The following CUL2 variants were observed in gnomAD, a reference collection of about 807,000 sequenced individuals.
CUL2 encodes the protein cullin-2.
Under a neutral mutation model 110.2 loss-of-function variants are expected in CUL2, and 22 were observed. The ratio of observed to expected loss-of-function variants is 0.20; its 90% confidence interval spans 0.14 to 0.28. The LOEUF (loss-of-function observed/expected upper bound fraction) is 0.28, where lower values mean the gene tolerates loss of function less well. CUL2 is among the 10% of genes least tolerant of loss of function. CUL2 has a pLI of 1.00. For synonymous variants in CUL2, 279 were observed against 293.2 expected (o/e 0.95, Z 0.49); for missense variants, 631 against 905.5 (o/e 0.70, Z 3.89).
intron 4 of CUL2, 120 bp downstream of exon 4, chr10:35,060,754 A>C (rs778879667): frequency 1.3e-6 from 1 of 773,988 alleles, no homozygotes; most frequent in Admixed American, 2.8e-5. Flanking sequence ...AGTCCATGTC[A>C]GAGAGAATGC....
intron 6 of CUL2, among the ~76,000 whole-genome samples, chr10:35,048,887 T>C (rs140270825): frequency 3.1e-4 from 47 of 152,294 alleles, no homozygotes; most frequent in East Asian, 1.2e-3. Context: ...CCATACTAAA[T>C]ACCACGGCTT....
intron 8 of CUL2, among the ~76,000 whole-genome samples, chr10:35,042,960 G>A (rs1235838444): frequency 2.6e-5 from 4 of 151,964 alleles, no homozygotes; most frequent in Admixed American, 2.0e-4. Flanking sequence ...TCAAGTAGAT[G>A]GTGTTAGAGT....
intron 1 of CUL2, among the ~76,000 whole-genome samples, chr10:35,113,396 G>A (rs1272058251): frequency 1.3e-5 from 2 of 148,468 alleles, no homozygotes; most frequent in Non-Finnish European, 3.0e-5. Context: ...TACTCGGGAG[G>A]CTGGGGCAGT....
At position 35,016,378 on chromosome 10, in the gene CUL2, G is replaced by A; in HGVS notation, c.1701C>T (p.Asn567=). ...TGGCTACATATGGTTTGCCCAAATA[G>A]TTCATTTTAACTTCACCTACAATTA... ...HYLCTGEVKM[N]YLGKPYVAMV... Residue 567 remains asparagine (N), a synonymous_variant, in exon 18 of 21, where the codon AAC becomes AAT. Coordinates refer to ENST00000374749, the MANE Select transcript of CUL2 (RefSeq NM_003591.4). 1 of 1,606,216 alleles carries A rather than the reference G, an allele frequency of 6.2e-7. No homozygotes were observed. The highest frequency in any genetic ancestry group is 1.7e-5 in the Admixed American group (1 of 59,454).
chr10:35,049,320 G>T (rs760041775), intron 6 of CUL2, among the ~76,000 whole-genome samples: 5 of 152,144 alleles, frequency 3.3e-5, no homozygotes, highest in Admixed American at 6.5e-5. Flanking sequence ...TCAATAGGTG[G>T]TCCTCACGAG....
chr10:35,026,619 A>T (rs748339350), intron 16 of CUL2, among the ~76,000 whole-genome samples: 6 of 152,178 alleles, frequency 3.9e-5, no homozygotes, highest in Non-Finnish European at 8.8e-5. Flanking sequence ...TGCCAAAAGA[A>T]GATACTGATT....
intron 4 of CUL2, 100 bp from the exon 5 acceptor site, chr10:35,054,639 C>T (rs1404046555): frequency 1.7e-6 from 1 of 579,920 alleles, no homozygotes; most frequent in Admixed American, 3.4e-5. Context: ...TACATATAAG[C>T]CATGGAATAG....
At chr10:35,065,359 G>A (rs1054468286) in intron 2 of CUL2, among the ~76,000 whole-genome samples, 3 of 152,102 alleles carry the variant, frequency 2.0e-5, no homozygotes, top group African/African-American at 7.2e-5. Flanking sequence ...GATGACTCAC[G>A]CCTGTAATCC....
At chr10:35,091,238 AG>A (rs1488410830), upstream of CUL2, among the ~76,000 whole-genome samples, 1 of 152,192 alleles carries the variant, frequency 6.6e-6, no homozygotes, top group Non-Finnish European at 1.5e-5. Flanking sequence ...CATATCCTCA[AG>A]AGCTCACCAT....
chr10:35,113,313 T>A (rs1307685852), intron 1 of CUL2, among the ~76,000 whole-genome samples: 2 of 149,068 alleles, frequency 1.3e-5, no homozygotes, highest in Non-Finnish European at 3.0e-5. Flanking sequence ...CTGGCCAACA[T>A]GGTGAAATCC....
intron 18 of CUL2, among the ~76,000 whole-genome samples, chr10:35,015,249 C>T (rs927143549): frequency 3.3e-5 from 5 of 150,212 alleles, no homozygotes; most frequent in Admixed American, 6.7e-5. Context: ...GCCAAGATCA[C>T]GCCATTGCAC....
In CUL2 at chr10:35,031,730, GTTTTT is replaced by G. The variant is rs1005217108; in HGVS notation, c.1171-116_1171-112del. On this transcript the variant is annotated intron_variant, in intron 12 of 20. Transcript: ENST00000374749. This position sits in a 1 kb window ranked among gnomAD's most constrained non-coding sequence, Gnocchi z 4.4. Reference sequence around the variant, plus strand: ...AAGATCAGCGGACAGAATTTTTGCTGTTTTTTTTAGAGACCGGGTCTTGCTCTGTT... The same window carrying G: ...AAGATCAGCGGACAGAATTTTTGCTGTTTAGAGACCGGGTCTTGCTCTGTT... 8.7e-7 allele frequency: 1 copy of G among 1,144,692 alleles called. No individual in the cohort carries two copies. The highest frequency in any genetic ancestry group is 2.1e-5 in the Admixed American group (1 of 48,246). 70.9% of individuals were successfully genotyped at this position (1,144,692 alleles called of 1,614,324 possible).
chr10:35,033,190 C>T lies in CUL2; in HGVS notation c.1086G>A (p.Gln362=), dbSNP rs776519335. The T allele has an allele frequency of 2.5e-6, 4 of 1,612,886 alleles. No individual in the cohort carries two copies. The highest frequency in any genetic ancestry group is 2.2e-5 in the South Asian group (2 of 91,052). The change falls in exon 11 of 21, where the codon CAG becomes CAA. Residue 362 remains glutamine, a synonymous_variant. Coordinates refer to ENST00000374749, the MANE Select transcript of CUL2 (RefSeq NM_003591.4). The part of the protein sequence containing the change: ...QLINTVLNGD[Q]HFMSALDKAL... ...CCTTATCCAACGCACTCATAAAATG[C>T]TGATCACCATTCAAAACAGTGTTGA...
At chr10:35,030,794 G>A (rs1386635408) in intron 14 of CUL2, among the ~76,000 whole-genome samples, 1 of 149,132 alleles carries the variant, frequency 6.7e-6, no homozygotes, top group Non-Finnish European at 1.5e-5. Context: ...TCAGGAGGCT[G>A]AGGCGGGAGG....
chr10:35,095,618 G>C (rs1174472550), upstream of CUL2, among the ~76,000 whole-genome samples: 1 of 152,084 alleles, frequency 6.6e-6, no homozygotes, highest in African/African-American at 2.4e-5. Context: ...GAGTGCAGTG[G>C]TGTGATCTCT....
chr10:35,101,657 T>C (rs966944210), intron 1 of CUL2, among the ~76,000 whole-genome samples: 2 of 152,208 alleles, frequency 1.3e-5, no homozygotes, highest in Non-Finnish European at 2.9e-5. Context: ...ACACAAGCAC[T>C]CGTTTCTTCT....
intron 1 of CUL2, among the ~76,000 whole-genome samples, chr10:35,112,110 T>C (rs1482841255): frequency 6.6e-6 from 1 of 152,178 alleles, no homozygotes; most frequent in Non-Finnish European, 1.5e-5. Context: ...CTCTTAGAGG[T>C]TCTTCAAAGT....
Position 35,010,422 on chromosome 10 carries a change from A to C in CUL2, c.2127T>G (p.Ala709=), listed in dbSNP as rs1275042239. The part of the protein sequence containing the change: ...LIQEVISQSR[A]RFNPSISMIK... ...TCATGCTGATACTGGGATTAAACCT[A>C]GCTCTTGACTGGCTAATCACCTGTG... The change falls in exon 21 of 21, where the codon GCT becomes GCG. Residue 709 remains alanine, a synonymous_variant. Coordinates refer to ENST00000374749, the MANE Select transcript of CUL2 (RefSeq NM_003591.4). 1.9e-6 allele frequency: 3 copies of C among 1,610,722 alleles called. No individual in the cohort carries two copies. Among genetic ancestry groups the C allele is most frequent in the East Asian group, 2.2e-5 (1 of 44,664 alleles).
chr10:35,040,058 C>A (rs1564714232), intron 8 of CUL2, among the ~76,000 whole-genome samples: 1 of 152,126 alleles, frequency 6.6e-6, no homozygotes, highest in Non-Finnish European at 1.5e-5. Flanking sequence ...GAGGCTGAGG[C>A]AGAAGAACTG....
Sources: allele counts gnomAD v4.1 joint callset (sites outside exome capture counted in the v4.1 genomes callset), GRCh38; gene constraint gnomAD v4.1.1; non-coding constraint Gnocchi (gnomAD v3.1); transcripts MANE v1.5; gene names NCBI Gene and HGNC (gene_info 2026-07-23, HGNC 2026-07-21).